Variants in ZNF644 observed in about 807,000 individuals in gnomAD.
The protein encoded by ZNF644 is zinc finger motif enhancer binding protein 2.
A neutral mutation model predicts 108.0 loss-of-function variants in ZNF644; 20 were observed. That is an observed-to-expected ratio of 0.19 (90% CI 0.13 to 0.27). The LOEUF (loss-of-function observed/expected upper bound fraction) is 0.27, where lower values mean the gene tolerates loss of function less well. Among genes scored for constraint, ZNF644 ranks in the 10% least tolerant of loss-of-function variants. The pLI is 1.00. For missense variants in ZNF644, 1,338 were observed against 1,548.9 expected, an observed-to-expected ratio of 0.86 and a Z score of 2.29; for synonymous variants, 542 against 539.1, an observed-to-expected ratio of 1.01 and a Z score of -0.08.
chr1:91,017,203 T>A (rs1352961098), intron 1 of ZNF644, among the ~76,000 whole-genome samples: 1 of 152,196 alleles, frequency 6.6e-6, no homozygotes, highest in Non-Finnish European at 1.5e-5. Context: ...GCTTAACACA[T>A]AAAATCTGCC....
intron 4 of ZNF644, among the ~76,000 whole-genome samples, chr1:90,919,661 T>A (rs1441291424): frequency 2.0e-5 from 3 of 152,056 alleles, no homozygotes; most frequent in African/African-American, 7.2e-5. Context: ...AAAGAATGGG[T>A]AATTCAAAGC....
chr1:90,971,613 T>C (rs1655487068), intron 2 of ZNF644, among the ~76,000 whole-genome samples: 1 of 152,056 alleles, frequency 6.6e-6, no homozygotes, highest in African/African-American at 2.4e-5. Context: ...AGAGATGGGA[T>C]TTCACCATAT....
intron 4 of ZNF644, among the ~76,000 whole-genome samples, chr1:90,922,987 T>A (rs1412531563): frequency 6.6e-6 from 1 of 152,164 alleles, no homozygotes; most frequent in Admixed American, 6.5e-5. Context: ...GGCCTTTTTT[T>A]AGAAAACAAC....
At chr1:90,965,246 T>A (rs568907071) in intron 2 of ZNF644, among the ~76,000 whole-genome samples, 13 of 152,150 alleles carry the variant, frequency 8.5e-5, no homozygotes, top group Non-Finnish European at 1.5e-5. Flanking sequence ...AAAAGTACAG[T>A]AGGGCTGCTT....
intron 4 of ZNF644, among the ~76,000 whole-genome samples, chr1:90,930,147 G>A (rs1418238686): frequency 2.6e-5 from 4 of 152,242 alleles, no homozygotes; most frequent in East Asian, 1.9e-4. Flanking sequence ...TTAGCCGGGC[G>A]TGATGGCGTG....
intron 1 of ZNF644, chr1:91,020,383 G>A (rs905648794): frequency 6.6e-6 from 1 of 152,274 alleles, no homozygotes; most frequent in East Asian, 1.9e-4. Flanking sequence ...CAAAACATTA[G>A]GTGTTTCAAA....
At chr1:90,973,139 T>C (rs2101336195) in intron 2 of ZNF644, 1 of 150,318 alleles carries the variant, frequency 6.7e-6, no homozygotes, top group Admixed American at 6.6e-5. Flanking sequence ...AAAAAAAAAC[T>C]AGAAAAAAAT....
intron 1 of ZNF644, among the ~76,000 whole-genome samples, chr1:91,011,789 TA>T (rs1399354399): frequency 6.6e-6 from 1 of 152,146 alleles, no homozygotes; most frequent in African/African-American, 2.4e-5. Flanking sequence ...TTCCTACCTC[TA>T]AAATTACAAT....
chr1:90,991,629 GA>G (rs1557639219), intron 1 of ZNF644, among the ~76,000 whole-genome samples: 1 of 152,156 alleles, frequency 6.6e-6, no homozygotes, highest in Non-Finnish European at 1.5e-5. Context: ...AGACAAAGGG[GA>G]AGCAAGCGCA....
chr1:90,952,781 A>G (rs1653311633), intron 2 of ZNF644, among the ~76,000 whole-genome samples: 1 of 152,052 alleles, frequency 6.6e-6, no homozygotes, highest in Non-Finnish European at 1.5e-5. Flanking sequence ...AGAAGAGAGA[A>G]TATAAGACAG....
At position 90,939,725 on chromosome 1, in the gene ZNF644, A is replaced by G. The variant is rs747800805; in HGVS notation, c.1629T>C (p.His543=). 6.2e-7 allele frequency: 1 copy of G among 1,613,956 alleles called. No homozygotes were observed. The highest frequency in any genetic ancestry group is 8.5e-7 in the Non-Finnish European group (1 of 1,179,932). ...MAVTENELEC[H]RGIAHGAVVK... ...CCACTGCCCCATGTGCAATGCCTCG[A>G]TGGCATTCCAATTCATTTTCTGTCA... is the stretch of plus-strand genomic sequence containing the variant. Residue 543 remains histidine (H), a synonymous_variant, in exon 3 of 6, where the codon CAT becomes CAC. Coordinates refer to ENST00000337393, the MANE Select transcript of ZNF644 (RefSeq NM_201269.3).
At position 90,940,379 on chromosome 1, in the gene ZNF644, A is replaced by G. The variant is rs1453510033; in HGVS notation, c.975T>C (p.Phe325=). The G allele has an allele frequency of 1.2e-6, 2 of 1,613,722 alleles. No individual in the cohort carries two copies. The highest frequency in any genetic ancestry group is 1.7e-6 in the Non-Finnish European group (2 of 1,179,944). ...CTTGTAGCTCTTCATTTTGTTCTAG[A>G]AAGTCTACTTCTTGCATTTTTGATT... is the stretch of plus-strand genomic sequence containing the variant. The part of the protein sequence containing the change: ...PNKSKMQEVD[F]LEQNEELQAV... The change falls in exon 3 of 6, where the codon TTT becomes TTC. Residue 325 remains phenylalanine, a synonymous_variant. Transcript: ENST00000337393.
In ZNF644 at chr1:90,941,225, TAGG is replaced by T. The variant is rs1651943993; in HGVS notation, c.126_128del (p.Leu43del). 1.9e-6 allele frequency: 3 copies of T among 1,604,366 alleles called. No homozygotes were observed. The African/African-American group carries it at 4.0e-5, about 22-fold the overall frequency. On this transcript the variant is annotated inframe_deletion, in exon 3 of 6. Coordinates refer to ENST00000337393, the MANE Select transcript of ZNF644 (RefSeq NM_201269.3). ...TGTCTGAGATAAAATTGTTGTCATC[TAGG>T]AGTTCTTCTTTAGCACCAGTAATAT...
chr1:90,926,767 ACC>A, intron 4 of ZNF644, among the ~76,000 whole-genome samples: 1 of 152,022 alleles, frequency 6.6e-6, no homozygotes. Flanking sequence ...TACATCTAGT[ACC>A]CCTCCTTTAC....
At chr1:90,982,394 C>A in intron 1 of ZNF644, 24 bp from the exon 2 acceptor site, 1 of 1,584,494 alleles carries the variant, frequency 6.3e-7, no homozygotes, top group South Asian at 1.1e-5. Flanking sequence ...ACACAATGAC[C>A]AAGGTTTAAT....
chr1:90,963,823 G>A (rs1012218961), intron 2 of ZNF644, among the ~76,000 whole-genome samples: 2 of 152,110 alleles, frequency 1.3e-5, no homozygotes, highest in African/African-American at 2.4e-5. Context: ...GTTGCTGGCA[G>A]TATTCTATTT....
At chr1:91,001,175 A>T (rs1334108799) in intron 1 of ZNF644, among the ~76,000 whole-genome samples, 1 of 152,198 alleles carries the variant, frequency 6.6e-6, no homozygotes, top group African/African-American at 2.4e-5. Flanking sequence ...CTCCTCCCTA[A>T]CTCATTTTAT....
chr1:90,994,384 CAG>C (rs1377776547), intron 1 of ZNF644, among the ~76,000 whole-genome samples: 1 of 152,140 alleles, frequency 6.6e-6, no homozygotes, highest in African/African-American at 2.4e-5. Flanking sequence ...TGGATAAAGA[CAG>C]TATCACTGTA....
chr1:90,940,026 T>C lies in ZNF644; in HGVS notation c.1328A>G (p.Asn443Ser). Residue 443 changes from asparagine to serine, a missense_variant, in exon 3 of 6, where the codon AAT (asparagine) becomes AGT (serine). By Grantham distance (46) the Asn-to-Ser change is conservative (BLOSUM62 1). Transcript: ENST00000337393. ...LDGNSHFRHL[N>S]VPRPYACREC... ...TCTACAAGCATATGGCCTTGGGACA[T>C]TAAGATGGCGAAAGTGACTATTCCC... is the stretch of plus-strand genomic sequence containing the variant. 1 of 1,614,080 alleles carries C rather than the reference T, an allele frequency of 6.2e-7. No individual in the cohort carries two copies.
Sources: allele counts gnomAD v4.1 joint callset (sites outside exome capture counted in the v4.1 genomes callset), GRCh38; gene constraint gnomAD v4.1.1; transcripts MANE v1.5; gene names NCBI Gene and HGNC (gene_info 2026-07-23, HGNC 2026-07-21).